Variants in GALNT18 observed in about 807,000 individuals in gnomAD.
GALNT18 encodes GalNAc-transferase 18.
Under a neutral mutation model 69.5 loss-of-function variants are expected in GALNT18, and 44 were observed. The observed-to-expected ratio is 0.63, with a 90% CI of 0.50 to 0.81. GALNT18 has a LOEUF of 0.81. Among genes scored for constraint, GALNT18 ranks in the 40% least tolerant of loss-of-function variants. GALNT18 has a pLI of 0.00. For synonymous variants in GALNT18, 364 were observed against 318.2 expected (o/e 1.14, Z -1.53); for missense variants, 715 against 810.0 (o/e 0.88, Z 1.42).
chr11:11,457,850 C>A (rs922669203), intron 1 of GALNT18, among the ~76,000 whole-genome samples: 2 of 152,234 alleles, frequency 1.3e-5, no homozygotes, highest in Non-Finnish European at 2.9e-5. Flanking sequence ...TTTTGTCCTG[C>A]AGCCAGTTCT....
intron 1 of GALNT18, among the ~76,000 whole-genome samples, chr11:11,526,498 C>T (rs1396211858): frequency 6.6e-6 from 1 of 152,040 alleles, no homozygotes; most frequent in Non-Finnish European, 1.5e-5. Context: ...GTAATAAATA[C>T]ATCATTCTTT....
intron 1 of GALNT18, among the ~76,000 whole-genome samples, chr11:11,474,147 A>G (rs550642598): frequency 6.6e-6 from 1 of 152,348 alleles, no homozygotes; most frequent in Admixed American, 6.5e-5. Context: ...CCAGGTCATC[A>G]CAGATTGTGA....
chr11:11,397,745 A>G (rs1854367877), intron 3 of GALNT18, among the ~76,000 whole-genome samples: 1 of 152,234 alleles, frequency 6.6e-6, no homozygotes, highest in South Asian at 2.1e-4. Context: ...TGCTGGGATC[A>G]CAGGCATGAG....
chr11:11,359,802 C>T (rs761303431), intron 6 of GALNT18, among the ~76,000 whole-genome samples: 1 of 152,200 alleles, frequency 6.6e-6, no homozygotes, highest in Admixed American at 6.5e-5. Context: ...GGAAAAACAA[C>T]ACAACCTAGT....
intron 1 of GALNT18, among the ~76,000 whole-genome samples, chr11:11,594,846 T>TATAC (rs1218131217): frequency 2.4e-5 from 2 of 82,884 alleles, no homozygotes; most frequent in African/African-American, 3.7e-5. Context: ...TATATACACA[T>TATAC]ATACATACAT....
chr11:11,483,828 T>A (rs1856586407), intron 1 of GALNT18, among the ~76,000 whole-genome samples: 1 of 152,152 alleles, frequency 6.6e-6, no homozygotes, highest in Non-Finnish European at 1.5e-5. Context: ...CAATAAATAA[T>A]GAGCTCAATA....
intron 1 of GALNT18, among the ~76,000 whole-genome samples, chr11:11,490,108 T>C (rs1009566146): frequency 3.3e-5 from 5 of 152,160 alleles, no homozygotes; most frequent in African/African-American, 1.2e-4. Context: ...GCCTTTATCA[T>C]GGGAGAAGTT....
At chr11:11,331,427 T>C (rs1850015013) in intron 8 of GALNT18, among the ~76,000 whole-genome samples, 1 of 152,094 alleles carries the variant, frequency 6.6e-6, no homozygotes, top group African/African-American at 2.4e-5. Flanking sequence ...ATGTATATGA[T>C]ATAAGAGTTG....
At chr11:11,422,795 C>T (rs751791091) in intron 3 of GALNT18, among the ~76,000 whole-genome samples, 16 of 152,000 alleles carry the variant, frequency 1.1e-4, no homozygotes, top group Non-Finnish European at 2.1e-4. Flanking sequence ...GGGGAAGGAC[C>T]CAGCAGCTGG....
chr11:11,504,439 G>GAAA (rs11379207), intron 1 of GALNT18, among the ~76,000 whole-genome samples: 2 of 150,154 alleles, frequency 1.3e-5, no homozygotes, highest in African/African-American at 2.5e-5. Context: ...TTATTGAAAA[G>GAAA]AAAAAAAAAA....
At position 11,563,558 on chromosome 11, in the gene GALNT18, CAG is replaced by C. The variant is rs1393287835; in HGVS notation, c.235+57799_235+57800del. Among the ~76,000 whole-genome samples the C allele has an allele frequency of 1.3e-5, 2 of 152,188 alleles. No homozygotes were observed. The highest frequency in any genetic ancestry group is 2.1e-4 in the South Asian group (1 of 4,820). ...ATTCACAGTGTCTTCTAGGTGCAAA[CAG>C]AGGGCTGTATCATCTCATCTGACTA... On this transcript the variant is annotated intron_variant, in intron 1 of 10. Coordinates refer to ENST00000227756, the MANE Select transcript of GALNT18 (RefSeq NM_198516.3). The surrounding 1 kb of genome is among the most constrained non-coding windows in gnomAD (Gnocchi z 4.6).
At chr11:11,464,688 C>A (rs1267883795) in intron 1 of GALNT18, among the ~76,000 whole-genome samples, 1 of 152,182 alleles carries the variant, frequency 6.6e-6, no homozygotes, top group Non-Finnish European at 1.5e-5. Context: ...TACAGCAGTG[C>A]AGAGAGCAGC....
chr11:11,290,233 C>CT (rs1849273079), intron 10 of GALNT18, among the ~76,000 whole-genome samples: 2 of 152,216 alleles, frequency 1.3e-5, no homozygotes, highest in South Asian at 4.1e-4. Flanking sequence ...CTGACGCAGG[C>CT]TATGAAGACC....
chr11:11,355,315 C>G (rs964296497), intron 6 of GALNT18, among the ~76,000 whole-genome samples: 1 of 152,144 alleles, frequency 6.6e-6, no homozygotes, highest in Non-Finnish European at 1.5e-5. Context: ...ACAGCACTCC[C>G]TATGGACTGA....
intron 10 of GALNT18, among the ~76,000 whole-genome samples, chr11:11,277,092 G>GTT (rs1264081151): frequency 1.2e-4 from 19 of 152,190 alleles, no homozygotes; most frequent in African/African-American, 4.3e-4. Flanking sequence ...AATGGTACCA[G>GTT]CAACTCTTTG....
chr11:11,533,219 T>C (rs1309415413), intron 1 of GALNT18, among the ~76,000 whole-genome samples: 1 of 152,212 alleles, frequency 6.6e-6, no homozygotes, highest in Non-Finnish European at 1.5e-5. Context: ...CTACCAGGAA[T>C]GAGGTAGCTT....
At chr11:11,292,774 A>AAAC (rs557157415) in intron 10 of GALNT18, among the ~76,000 whole-genome samples, 5 of 151,454 alleles carry the variant, frequency 3.3e-5, no homozygotes, top group African/African-American at 2.5e-5. Context: ...CATTATAATA[A>AAAC]AACAACAACA....
At chr11:11,330,226 A>G (rs1849994636) in intron 8 of GALNT18, among the ~76,000 whole-genome samples, 1 of 152,190 alleles carries the variant, frequency 6.6e-6, no homozygotes, top group African/African-American at 2.4e-5. Context: ...GAGTCCCAGA[A>G]GTCATTTGTC....
At chr11:11,291,984 C>A (rs1436493047) in intron 10 of GALNT18, among the ~76,000 whole-genome samples, 1 of 152,148 alleles carries the variant, frequency 6.6e-6, no homozygotes, top group East Asian at 1.9e-4. Context: ...GGATTGGAAT[C>A]AAGGTATAGC....
Sources: allele counts gnomAD v4.1 joint callset (sites outside exome capture counted in the v4.1 genomes callset), GRCh38; gene constraint gnomAD v4.1.1; non-coding constraint Gnocchi (gnomAD v3.1); transcripts MANE v1.5; gene names NCBI Gene and HGNC (gene_info 2026-07-23, HGNC 2026-07-21).